The following IL1RAPL2 variants were observed in gnomAD, a reference collection of about 807,000 sequenced individuals.
The protein encoded by IL1RAPL2 is interleukin 1 receptor accessory protein like 2, also known as X-linked interleukin-1 receptor accessory protein-like 2.
IL1RAPL2 carries 3 observed loss-of-function variants against 44.1 expected under a neutral mutation model. The observed-to-expected ratio is 0.07, with a 90% CI of 0.03 to 0.18. The LOEUF is 0.18. IL1RAPL2 is among the 10% of genes least tolerant of loss of function. The pLI, the probability that IL1RAPL2 is intolerant of heterozygous loss-of-function variation, is 1.00. For missense variants in IL1RAPL2, 391 were observed against 496.4 expected (o/e 0.79, Z 2.02); for synonymous variants, 181 against 178.8 (o/e 1.01, Z -0.10).
intron 2 of IL1RAPL2, among the ~76,000 whole-genome samples, chrX:105,108,494 A>ATTTTTTTTTTTTTTTT (rs71816209): frequency 1.4e-5 from 1 of 73,639 alleles, no homozygotes; most frequent in Non-Finnish European, 2.4e-5. Flanking sequence ...CCATGCCCGG[A>ATTTTTTTTTTTTTTTT]TTTTTTTTTT....
chrX:105,143,481 T>C (rs1478291683), intron 2 of IL1RAPL2, among the ~76,000 whole-genome samples: 1 of 111,670 alleles, frequency 9.0e-6, no homozygotes, highest in Non-Finnish European at 1.9e-5. Context: ...ATAGGAACAC[T>C]TTTACACTGT....
chrX:104,913,661 G>C (rs1299795074), intron 2 of IL1RAPL2, among the ~76,000 whole-genome samples: 1 of 112,139 alleles, frequency 8.9e-6, no homozygotes, highest in Non-Finnish European at 1.9e-5. Context: ...TATTTGATGA[G>C]GCAGTTCAGC....
chrX:104,575,731 C>A (rs756301340), intron 1 of IL1RAPL2, among the ~76,000 whole-genome samples: 6 of 111,433 alleles, frequency 5.4e-5, no homozygotes, highest in Non-Finnish European at 9.4e-5. Context: ...CTGACTTTTT[C>A]CCCTATACAC....
At chrX:105,516,002 G>T (rs1421058904) in intron 6 of IL1RAPL2, among the ~76,000 whole-genome samples, 1 of 111,724 alleles carries the variant, frequency 9.0e-6, no homozygotes, top group Non-Finnish European at 1.9e-5. Context: ...AAGTTGTATG[G>T]CTGTCAGAAG....
intron 5 of IL1RAPL2, among the ~76,000 whole-genome samples, chrX:105,351,371 G>A (rs140934335): frequency 0.037 from 4,070 of 111,114 alleles, 205 homozygotes; most frequent in African/African-American, 0.13. Context: ...GCAAAGACTC[G>A]GAACCAACCC....
At chrX:105,358,655 A>G (rs1202867289) in intron 5 of IL1RAPL2, among the ~76,000 whole-genome samples, 2 of 99,046 alleles carry the variant, frequency 2.0e-5, no homozygotes, top group African/African-American at 7.6e-5. Context: ...AGCCTGGGCA[A>G]TAGAGTGAGA....
chrX:105,326,453 G>A (rs140868201), intron 5 of IL1RAPL2, among the ~76,000 whole-genome samples: 5 of 110,868 alleles, frequency 4.5e-5, no homozygotes, highest in East Asian at 5.7e-4. Flanking sequence ...TGTTGCTTGC[G>A]TGTTGTTGTC....
At chrX:105,187,836 C>T (rs1200492193) in intron 2 of IL1RAPL2, among the ~76,000 whole-genome samples, 1 of 110,813 alleles carries the variant, frequency 9.0e-6, no homozygotes, top group East Asian at 2.8e-4. Context: ...TAATATATAC[C>T]TGAAAATTGT....
At chrX:104,983,666 T>A (rs996544462) in intron 2 of IL1RAPL2, among the ~76,000 whole-genome samples, 5 of 98,328 alleles carry the variant, frequency 5.1e-5, no homozygotes, top group East Asian at 3.5e-4. Flanking sequence ...ACATAATATA[T>A]ACATAATATT....
chrX:105,325,542 TA>T (rs1268220041), intron 5 of IL1RAPL2, among the ~76,000 whole-genome samples: 22 of 685 alleles, frequency 0.032, no homozygotes, highest in Non-Finnish European at 0.27. Flanking sequence ...CTCTTGGTTT[TA>T]TATATATATA....
At chrX:105,406,241 G>A in intron 5 of IL1RAPL2, 17 of 1,115,047 alleles carry the variant, frequency 1.5e-5, no homozygotes, top group Non-Finnish European at 4.9e-6. Context: ...CATGTTTAAG[G>A]ACAAAAGTGT....
intron 5 of IL1RAPL2, among the ~76,000 whole-genome samples, chrX:105,369,178 T>C (rs2035318451): frequency 9.1e-6 from 1 of 110,433 alleles, no homozygotes; most frequent in Non-Finnish European, 1.9e-5. Flanking sequence ...TTTGGAGATA[T>C]ATCTTGTTCA....
At chrX:105,535,152 A>T (rs1285042785) in intron 6 of IL1RAPL2, among the ~76,000 whole-genome samples, 1 of 112,085 alleles carries the variant, frequency 8.9e-6, no homozygotes, top group African/African-American at 3.2e-5. Flanking sequence ...GACTTCTCAG[A>T]ATTCAACAAT....
chrX:105,323,277 T>TTG (rs1243470035), intron 5 of IL1RAPL2, among the ~76,000 whole-genome samples: 1 of 112,430 alleles, frequency 8.9e-6, no homozygotes, highest in African/African-American at 3.2e-5. Flanking sequence ...CAAACAGATT[T>TTG]TGTTATCAAA....
At chrX:105,186,356 A>T (rs2033587005) in intron 2 of IL1RAPL2, among the ~76,000 whole-genome samples, 1 of 112,103 alleles carries the variant, frequency 8.9e-6, no homozygotes, top group African/African-American at 3.2e-5. Context: ...ATGCCATTTG[A>T]CACCTACTTA....
rs764768188 is a variant in IL1RAPL2 at position 105,529,686 on chromosome X, T to C, written c.772+45299T>C. On this transcript the variant is annotated intron_variant, in intron 6 of 10. Transcript: ENST00000372582. ...ATCACTACCATCCATCTCTAGAATT[T>C]TTCTTCCCAAACTGAAACTGTACCA... Among the ~76,000 whole-genome samples, 5 of 111,870 alleles carry C rather than the reference T, an allele frequency of 4.5e-5. No homozygotes were observed. The South Asian group carries it at 1.9e-3, about 42-fold the overall frequency.
intron 6 of IL1RAPL2, among the ~76,000 whole-genome samples, chrX:105,532,893 T>G (rs1194418419): frequency 1.8e-5 from 2 of 111,504 alleles, no homozygotes; most frequent in Admixed American, 1.9e-4. Context: ...TTCTTTTTTG[T>G]ACCCTTTTAA....
At chrX:104,933,266 A>G (rs1924950042) in intron 2 of IL1RAPL2, among the ~76,000 whole-genome samples, 1 of 111,469 alleles carries the variant, frequency 9.0e-6, no homozygotes, top group African/African-American at 3.3e-5. Flanking sequence ...CTTAAAATAT[A>G]ATAAGAAAAA....
chrX:105,109,658 A>G (rs770505521), intron 2 of IL1RAPL2, among the ~76,000 whole-genome samples: 1 of 112,018 alleles, frequency 8.9e-6, no homozygotes, highest in South Asian at 3.8e-4. Flanking sequence ...GATGGTGAAA[A>G]TGTTCTAAAA....
Sources: allele counts gnomAD v4.1 joint callset (sites outside exome capture counted in the v4.1 genomes callset), GRCh38; gene constraint gnomAD v4.1.1; transcripts MANE v1.5; gene names NCBI Gene and HGNC (gene_info 2026-07-23, HGNC 2026-07-21).